GRIP1: variants seen among roughly 807,000 people sequenced by gnomAD.
GRIP1 encodes the protein glutamate receptor-interacting protein 1.
A neutral mutation model predicts 129.9 loss-of-function variants in GRIP1; 45 were observed. The observed-to-expected ratio is 0.35, with a 90% CI of 0.27 to 0.44. The LOEUF (loss-of-function observed/expected upper bound fraction) is 0.44. Among genes scored for constraint, GRIP1 ranks in the 20% least tolerant of loss-of-function variants. The pLI is 1.00. For missense variants in GRIP1, 1,196 were observed against 1,396.8 expected, an observed-to-expected ratio of 0.86 and a Z score of 2.29; for synonymous variants, 530 against 520.8, an observed-to-expected ratio of 1.02 and a Z score of -0.24.
chr12:66,869,912 G>C (rs1301113625), intron 1 of GRIP1, among the ~76,000 whole-genome samples: 1 of 152,228 alleles, frequency 6.6e-6, no homozygotes, highest in Non-Finnish European at 1.5e-5. Context: ...AAGATGCAGA[G>C]AGACACATCT....
At chr12:66,799,836 T>C (rs1031165431) in intron 1 of GRIP1, among the ~76,000 whole-genome samples, 2 of 152,262 alleles carry the variant, frequency 1.3e-5, no homozygotes, top group African/African-American at 4.8e-5. Flanking sequence ...AAATTACTTA[T>C]CTAATCACCC....
intron 5 of GRIP1, among the ~76,000 whole-genome samples, chr12:66,519,224 G>A (rs1407181170): frequency 6.6e-6 from 1 of 152,210 alleles, no homozygotes; most frequent in African/African-American, 2.4e-5. Flanking sequence ...GATTTGTTTA[G>A]TGTGATTGAT....
chr12:66,702,491 T>C (rs1021237937), intron 1 of GRIP1, among the ~76,000 whole-genome samples: 2 of 152,158 alleles, frequency 1.3e-5, no homozygotes, highest in African/African-American at 4.8e-5. Flanking sequence ...AAAAGTTCTA[T>C]GAAAGAGTTC....
chr12:66,779,256 C>T (rs1345619935), intron 1 of GRIP1, among the ~76,000 whole-genome samples: 3 of 152,070 alleles, frequency 2.0e-5, no homozygotes, highest in Admixed American at 1.3e-4. Context: ...CACAAGACAT[C>T]AAACAGAATA....
intron 2 of GRIP1, among the ~76,000 whole-genome samples, chr12:66,570,436 T>TA (rs2062921992): frequency 6.6e-6 from 1 of 152,118 alleles, no homozygotes; most frequent in Non-Finnish European, 1.5e-5. Flanking sequence ...CCAGAGAAGA[T>TA]AGAGACCAAA....
At chr12:66,895,062 C>T (rs1164554136) in intron 1 of GRIP1, among the ~76,000 whole-genome samples, 2 of 152,112 alleles carry the variant, frequency 1.3e-5, no homozygotes, top group African/African-American at 2.4e-5. Flanking sequence ...CCTCTGGTAC[C>T]ATGTGCCAGA....
Position 66,531,235 on chromosome 12 carries a change from C to CA in GRIP1, c.419-1322dup, listed in dbSNP as rs1168836647. ...TGGGTGACAGAGTGAGACTCTGTCT[C>CA]AAAAAAAAAAAAAAAAAATATATAT... is the stretch of plus-strand genomic sequence containing the variant. On this transcript the variant is annotated intron_variant, in intron 4 of 24. Transcript: ENST00000359742. Among the ~76,000 whole-genome samples, 95 of 16,430 alleles carry CA rather than the reference C, an allele frequency of 5.8e-3. 1 individual carries two copies. The highest frequency in any genetic ancestry group is 7.0e-3 in the Non-Finnish European group (70 of 9,980). The allele number at this position is 16,430 out of a possible 152,430, so 10.8% of individuals were successfully genotyped here.
At chr12:66,357,026 G>A (rs964809273) in intron 23 of GRIP1, among the ~76,000 whole-genome samples, 5 of 152,070 alleles carry the variant, frequency 3.3e-5, no homozygotes, top group Non-Finnish European at 5.9e-5. Context: ...ACAGGCATGA[G>A]CCACCACATC....
intron 1 of GRIP1, among the ~76,000 whole-genome samples, chr12:66,901,879 G>A (rs1364999440): frequency 1.3e-5 from 2 of 152,150 alleles, no homozygotes; most frequent in South Asian, 2.1e-4. Context: ...GTATTGTAAT[G>A]TTTGGGAAGC....
intron 1 of GRIP1, among the ~76,000 whole-genome samples, chr12:66,855,373 A>T (rs2039986078): frequency 6.6e-6 from 1 of 152,000 alleles, no homozygotes; most frequent in Non-Finnish European, 1.5e-5. Flanking sequence ...CTGTATGCCC[A>T]CTTCAGGGAT....
chr12:66,779,387 G>A (rs990998815), intron 1 of GRIP1, among the ~76,000 whole-genome samples: 1 of 152,132 alleles, frequency 6.6e-6, no homozygotes, highest in Non-Finnish European at 1.5e-5. Flanking sequence ...AAACCATTAA[G>A]AGTCACTTAA....
intron 1 of GRIP1, among the ~76,000 whole-genome samples, chr12:67,009,760 A>G (rs868782321): frequency 1.3e-5 from 2 of 152,312 alleles, no homozygotes; most frequent in Middle Eastern, 6.8e-3. Context: ...GCATTTTTAA[A>G]TATAGTAAAA....
intron 1 of GRIP1, among the ~76,000 whole-genome samples, chr12:67,048,172 T>C (rs1486289478): frequency 6.6e-6 from 1 of 151,740 alleles, no homozygotes; most frequent in African/African-American, 2.4e-5. Flanking sequence ...AAGGTATTCC[T>C]GTTAACTCTT....
intron 14 of GRIP1, among the ~76,000 whole-genome samples, chr12:66,421,097 T>C (rs1257679242): frequency 6.6e-6 from 1 of 152,248 alleles, no homozygotes; most frequent in Non-Finnish European, 1.5e-5. Context: ...AGGGTGGGTA[T>C]CTCAGTTGGA....
At chr12:66,669,281 G>A (rs145997759) in intron 1 of GRIP1, among the ~76,000 whole-genome samples, 70 of 152,120 alleles carry the variant, frequency 4.6e-4, no homozygotes, top group African/African-American at 1.4e-3. Flanking sequence ...CCAGCTACTC[G>A]GGAGGCTGAG....
intron 2 of GRIP1, among the ~76,000 whole-genome samples, chr12:66,586,481 G>A (rs1046868845): frequency 2.0e-5 from 3 of 151,938 alleles, no homozygotes; most frequent in Non-Finnish European, 4.4e-5. Flanking sequence ...CAATCTATCT[G>A]TGCCACCTAG....
intron 2 of GRIP1, among the ~76,000 whole-genome samples, chr12:66,572,022 C>A (rs563698987): frequency 7.2e-5 from 11 of 152,160 alleles, no homozygotes; most frequent in Non-Finnish European, 1.3e-4. Flanking sequence ...AAATCAACTT[C>A]TCAGGCCTAA....
chr12:66,414,614 T>TA (rs1040261216), intron 15 of GRIP1, among the ~76,000 whole-genome samples: 9 of 151,740 alleles, frequency 5.9e-5, no homozygotes, highest in Admixed American at 5.9e-4. Flanking sequence ...TCATATGGAA[T>TA]AAAAAAAGAG....
chr12:66,601,502 G>A (rs972565374), intron 1 of GRIP1, among the ~76,000 whole-genome samples: 10 of 152,084 alleles, frequency 6.6e-5, no homozygotes, highest in African/African-American at 2.2e-4. Context: ...ATATGAATAT[G>A]GTTTCAGGAA....
Sources: gnomAD v4.1 joint callset for allele counts (sites outside exome capture counted in the v4.1 genomes callset) on GRCh38, gnomAD v4.1.1 for gene constraint, MANE v1.5 for transcripts, NCBI Gene and HGNC (gene_info 2026-07-23, HGNC 2026-07-21) for gene names.